CACNA2D3: variants seen among roughly 807,000 people sequenced by gnomAD.
CACNA2D3 encodes the protein calcium voltage-gated channel auxiliary subunit alpha2delta 3.
CACNA2D3 carries 60 observed loss-of-function variants against 160.6 expected under a neutral mutation model. The ratio of observed to expected loss-of-function variants is 0.37; its 90% CI spans 0.30 to 0.46. The LOEUF (loss-of-function observed/expected upper bound fraction) is 0.46, where lower values mean the gene tolerates loss of function less well. Ranked by LOEUF, CACNA2D3 falls within the 20% of genes least tolerant of loss-of-function variation. The probability of loss-of-function intolerance (pLI) is 1.00; values close to 1 mark genes in which losing one functional copy is unlikely to be tolerated. For missense variants in CACNA2D3, 1,205 were observed against 1,365.0 expected, an observed-to-expected ratio of 0.88 and a Z score of 1.85; for synonymous variants, 558 against 492.9, an observed-to-expected ratio of 1.13 and a Z score of -1.75.
At chr3:54,341,683 A>G (rs1017412185) in intron 3 of CACNA2D3, among the ~76,000 whole-genome samples, 2 of 152,224 alleles carry the variant, frequency 1.3e-5, no homozygotes, top group African/African-American at 4.8e-5. Flanking sequence ...ATTGATAGCT[A>G]CTAGGTATTT....
chr3:54,531,217 A>G (rs1402172688), intron 5 of CACNA2D3, among the ~76,000 whole-genome samples: 1 of 152,228 alleles, frequency 6.6e-6, no homozygotes, highest in African/African-American at 2.4e-5. Flanking sequence ...CTTACAGAAG[A>G]GGATTTTTAC....
chr3:54,552,204 G>A (rs547833282), intron 5 of CACNA2D3, among the ~76,000 whole-genome samples: 45 of 152,234 alleles, frequency 3.0e-4, no homozygotes, highest in African/African-American at 9.9e-4. Flanking sequence ...CTCTCGGAGG[G>A]GGACTCCAAA....
At chr3:54,123,679 C>A in intron 2 of CACNA2D3, 85 bp downstream of exon 2, 1 of 1,109,602 alleles carries the variant, frequency 9.0e-7, no homozygotes, top group Non-Finnish European at 1.4e-6. Context: ...AAACGTGAGC[C>A]CCGAGCAGCA....
chr3:54,122,917 T>C, intron 1 of CACNA2D3, 82 bp downstream of exon 1: 1 of 1,150,846 alleles, frequency 8.7e-7, no homozygotes, highest in Non-Finnish European at 1.1e-6. Flanking sequence ...CGCCTGCAGG[T>C]GCGGCTGGGC....
At chr3:54,205,659 A>T (rs762982348) in intron 2 of CACNA2D3, among the ~76,000 whole-genome samples, 3 of 152,220 alleles carry the variant, frequency 2.0e-5, no homozygotes, top group Admixed American at 6.5e-5. Flanking sequence ...CCATATTAAC[A>T]TTCTTGATAT....
At chr3:54,909,793 G>T (rs940259860) in intron 27 of CACNA2D3, among the ~76,000 whole-genome samples, 1 of 152,094 alleles carries the variant, frequency 6.6e-6, no homozygotes, top group Non-Finnish European at 1.5e-5. Flanking sequence ...GGGTTGGACA[G>T]TGAGGTCGGC....
chr3:54,470,497 C>T (rs1362263787), intron 4 of CACNA2D3, among the ~76,000 whole-genome samples: 2 of 152,146 alleles, frequency 1.3e-5, no homozygotes, highest in African/African-American at 4.8e-5. Flanking sequence ...GTTGTAAAGA[C>T]TATCAAGTCT....
chr3:54,258,770 T>C (rs1424842905), intron 2 of CACNA2D3, among the ~76,000 whole-genome samples: 1 of 152,158 alleles, frequency 6.6e-6, no homozygotes, highest in Middle Eastern at 3.2e-3. Context: ...TTGAAAGTAT[T>C]GATTGAACAC....
intron 4 of CACNA2D3, among the ~76,000 whole-genome samples, chr3:54,403,985 A>G (rs1217663370): frequency 2.0e-5 from 3 of 152,206 alleles, no homozygotes; most frequent in Non-Finnish European, 4.4e-5. Context: ...AAGAGATTGA[A>G]GTAGTAATTA....
intron 13 of CACNA2D3, chr3:54,789,717 A>T (rs1317750741): frequency 2.2e-6 from 1 of 450,966 alleles, no homozygotes; most frequent in Non-Finnish European, 4.5e-6. Context: ...AATTCTAGGT[A>T]TATGAGTTGT....
chr3:55,057,994 A>C (rs1271222524), intron 35 of CACNA2D3, among the ~76,000 whole-genome samples: 1 of 152,260 alleles, frequency 6.6e-6, no homozygotes, highest in East Asian at 1.9e-4. Context: ...CACCAAAAAA[A>C]AATCCATAGG....
intron 8 of CACNA2D3, among the ~76,000 whole-genome samples, chr3:54,576,301 C>G (rs1245970843): frequency 6.6e-6 from 1 of 152,110 alleles, no homozygotes; most frequent in Non-Finnish European, 1.5e-5. Context: ...GACTGTGATT[C>G]ACCTGAGCCT....
intron 25 of CACNA2D3, among the ~76,000 whole-genome samples, chr3:54,892,230 G>C (rs1024829415): frequency 3.3e-5 from 5 of 152,058 alleles, no homozygotes; most frequent in African/African-American, 4.8e-5. Context: ...GAAAGTTAGA[G>C]AGTGGTTTGC....
At chr3:54,751,963 A>C (rs1701864886) in intron 11 of CACNA2D3, among the ~76,000 whole-genome samples, 1 of 152,324 alleles carries the variant, frequency 6.6e-6, no homozygotes, top group South Asian at 2.1e-4. Flanking sequence ...TGACCTCATA[A>C]GAGAGGGTTG....
intron 3 of CACNA2D3, among the ~76,000 whole-genome samples, chr3:54,354,462 T>TA (rs906861637): frequency 9.9e-5 from 15 of 152,000 alleles, no homozygotes; most frequent in African/African-American, 2.7e-4. Flanking sequence ...AAGTATAATT[T>TA]AAAAAAAATG....
chr3:54,184,173 A>G (rs1161132350), intron 2 of CACNA2D3, among the ~76,000 whole-genome samples: 3 of 152,230 alleles, frequency 2.0e-5, no homozygotes, highest in Non-Finnish European at 2.9e-5. Context: ...CAGAGTGATC[A>G]GAGATTCAGG....
At chr3:54,475,037 C>G (rs933908270) in intron 4 of CACNA2D3, among the ~76,000 whole-genome samples, 1 of 152,144 alleles carries the variant, frequency 6.6e-6, no homozygotes, top group African/African-American at 2.4e-5. Context: ...CCTGACTGAG[C>G]ACAGACTCTT....
intron 24 of CACNA2D3, among the ~76,000 whole-genome samples, chr3:54,890,511 A>G (rs866995209): frequency 5.3e-5 from 8 of 151,530 alleles, no homozygotes; most frequent in East Asian, 3.9e-4. Context: ...AAAAAAAAAA[A>G]AAAGAAAAAG....
intron 2 of CACNA2D3, among the ~76,000 whole-genome samples, chr3:54,209,729 T>C (rs1701338307): frequency 6.6e-6 from 1 of 152,232 alleles, no homozygotes; most frequent in Non-Finnish European, 1.5e-5. Flanking sequence ...TAATGGAACA[T>C]AACCTTAATA....
Sources: gnomAD v4.1 joint callset for allele counts (sites outside exome capture counted in the v4.1 genomes callset) on GRCh38, gnomAD v4.1.1 for gene constraint, MANE v1.5 for transcripts, NCBI Gene and HGNC (gene_info 2026-07-23, HGNC 2026-07-21) for gene names.